The following SLC6A3 variants were observed in gnomAD, a reference collection of about 807,000 sequenced individuals.
SLC6A3 encodes sodium-dependent dopamine transporter.
Under a neutral mutation model 70.4 loss-of-function variants are expected in SLC6A3, and 19 were observed. That is an observed-to-expected ratio of 0.27 (90% CI 0.19 to 0.40). The LOEUF (loss-of-function observed/expected upper bound fraction) is 0.40, where lower values mean the gene tolerates loss of function less well. Ranked by LOEUF, SLC6A3 falls within the 10% of genes least tolerant of loss-of-function variation. The pLI is 1.00. For synonymous variants in SLC6A3, 368 were observed against 356.6 expected, an observed-to-expected ratio of 1.03 and a Z score of -0.36; for missense variants, 613 against 838.5, an observed-to-expected ratio of 0.73 and a Z score of 3.32.
chr5:1,411,124 G>A lies in SLC6A3; in HGVS notation c.1269+119C>T. 1 of 733,060 alleles carries A rather than the reference G, an allele frequency of 1.4e-6. No individual in the cohort carries two copies. Among genetic ancestry groups the A allele is most frequent in the Non-Finnish European group, 2.4e-6 (1 of 411,552 alleles). The allele number at this position is 733,060 out of a possible 1,614,324, so 45.4% of individuals were successfully genotyped here. A position where few individuals can be genotyped will look rare whatever the true frequency, so the allele number is the denominator to read the frequency against. Reference sequence around the variant, plus strand: ...ACGGGGCTCGCCCAAGTCAAGGACAGGAGGTCTGGGGGCCGTACGTGAGCC... The same window carrying A: ...ACGGGGCTCGCCCAAGTCAAGGACAAGAGGTCTGGGGGCCGTACGTGAGCC... On this transcript the variant is annotated intron_variant, in intron 9 of 14. Transcript: ENST00000270349. This position sits in a 1 kb window ranked among gnomAD's most constrained non-coding sequence, Gnocchi z 6.5.
chr5:1,414,221 A>G (rs892138342), intron 8 of SLC6A3, among the ~76,000 whole-genome samples: 13 of 151,866 alleles, frequency 8.6e-5, no homozygotes, highest in African/African-American at 2.7e-4. Context: ...GCAAACATCT[A>G]GAGGGCCCTC....
chr5:1,439,669 C>T (rs1207707258), intron 3 of SLC6A3, among the ~76,000 whole-genome samples: 1 of 152,224 alleles, frequency 6.6e-6, no homozygotes, highest in African/African-American at 2.4e-5. Context: ...GTCTTCTAAA[C>T]ACACAGCTTT....
rs375720650 is a variant in SLC6A3, at chr5:1,414,811, C to G, written c.1036G>C (p.Ala346Pro). The change falls in exon 8 of 15, where the codon GCG becomes CCG. Residue 346 changes from alanine (A) to proline (P), a missense_variant. Transcript: ENST00000270349. ...GAGTTGATGGAGGTGGTGACAATCG[C>G]GTCCCTGTAAGAACAAGACACGCCG... ...NKFTNNCYRD[A>P]IVTTSINSLT... The G allele has an allele frequency of 6.2e-7, 1 of 1,612,870 alleles. No individual in the cohort carries two copies.
chr5:1,444,902 G>T (rs1181485773), intron 1 of SLC6A3, among the ~76,000 whole-genome samples: 2 of 151,974 alleles, frequency 1.3e-5, no homozygotes, highest in South Asian at 4.2e-4. Context: ...CGCAGCCCGC[G>T]CCCGCCACCA....
Position 1,406,254 on chromosome 5 carries a change from C to T in SLC6A3, c.1533G>A (p.Met511Ile). 6.2e-7 allele frequency: 1 copy of T among 1,613,028 alleles called. No homozygotes were observed. Among genetic ancestry groups the T allele is most frequent in the Non-Finnish European group, 8.5e-7 (1 of 1,180,004 alleles). Residue 511 changes from methionine (M) to isoleucine (I), a missense_variant, in exon 12 of 15, where the codon ATG becomes ATA. Around this residue, in one of 4 missense-constraint regions of SLC6A3, gnomAD observed 348 missense variants for 481.2 expected, o/e 0.72. Transcript: ENST00000270349. This position sits in a 1 kb window ranked among gnomAD's most constrained non-coding sequence, Gnocchi z 8.8. ...AGTACAGGCTGGGCCGCTGCCCGGT[C>T]ATCTGCTGGATGTCGTCGCTGAACT... ...VGQFSDDIQQ[M>I]TGQRPSLYWR...
At position 1,413,951 on chromosome 5, in the gene SLC6A3, C is replaced by T. The variant is rs1010055171; in HGVS notation, c.1156+740G>A. 6.6e-6 allele frequency among the ~76,000 whole-genome samples: 1 copy of T among 152,208 alleles called. No homozygotes were observed. The highest frequency in any genetic ancestry group is 2.4e-5 in the African/African-American group (1 of 41,460). On this transcript the variant is annotated intron_variant, in intron 8 of 14. Transcript: ENST00000270349. This position sits in a 1 kb window ranked among gnomAD's most constrained non-coding sequence, Gnocchi z 7.1. ...ACTTCTTGCTGTGGCCAAGGCCTCC[C>T]CCCACCACTCACCTGTGCCTGCCCG...
At chr5:1,420,465 G>T in intron 6 of SLC6A3, 104 bp downstream of exon 6, 2 of 1,364,758 alleles carry the variant, frequency 1.5e-6, no homozygotes, top group Non-Finnish European at 2.1e-6. Flanking sequence ...GAACCCTGGT[G>T]TCTGCAACTC....
Position 1,406,233 on chromosome 5 carries a change from C to G in SLC6A3, c.1554G>C (p.Leu518=). 6.2e-7 allele frequency: 1 copy of G among 1,613,020 alleles called. No individual in the cohort carries two copies. Among genetic ancestry groups the G allele is most frequent in the Non-Finnish European group, 8.5e-7 (1 of 1,179,992 alleles). ...IQQMTGQRPS[L]YWRLCWKLVS... is the part of the protein sequence containing the mutation. ...CCAGCTTCCAGCACAGCCGCCAGTA[C>G]AGGCTGGGCCGCTGCCCGGTCATCT... Residue 518 remains leucine (L), a synonymous_variant, in exon 12 of 15, where the codon CTG becomes CTC. Coordinates refer to ENST00000270349, the MANE Select transcript of SLC6A3 (RefSeq NM_001044.5). This position sits in a 1 kb window ranked among gnomAD's most constrained non-coding sequence, Gnocchi z 8.8.
chr5:1,403,780 G>A (rs1345102484), intron 12 of SLC6A3, among the ~76,000 whole-genome samples: 1 of 152,112 alleles, frequency 6.6e-6, no homozygotes, highest in Non-Finnish European at 1.5e-5. Context: ...CCACCACAAA[G>A]GTAACAGAGG....
Position 1,442,800 on chromosome 5 carries a change from C to A in SLC6A3, c.286+112G>T. 1 of 1,109,518 alleles carries A rather than the reference C, an allele frequency of 9.0e-7. No individual in the cohort carries two copies. The highest frequency in any genetic ancestry group is 1.2e-5 in the South Asian group (1 of 80,040). The allele number at this position is 1,109,518 out of a possible 1,614,324, so 68.7% of individuals were successfully genotyped here. A position where few individuals can be genotyped will look rare whatever the true frequency, so the allele number is the denominator to read the frequency against. On this transcript the variant is annotated intron_variant, in intron 2 of 14. Transcript: ENST00000270349. The surrounding 1 kb of genome is among the most constrained non-coding windows in gnomAD (Gnocchi z 5.0). ...GGCCGTGAGCTCTCACAGGGAGCTC[C>A]GTCTTCACGCATGGGAACAGCTTCA...
At chr5:1,426,692 AC>A (rs1428274488) in intron 4 of SLC6A3, among the ~76,000 whole-genome samples, 1 of 152,264 alleles carries the variant, frequency 6.6e-6, no homozygotes, top group Non-Finnish European at 1.5e-5. Context: ...TAAGGCAGTC[AC>A]AAAAAAATAA....
In SLC6A3 at chr5:1,403,035, T is replaced by C; in HGVS notation, c.1654A>G (p.Ile552Val). 6.2e-7 allele frequency: 1 copy of C among 1,613,960 alleles called. No individual in the cohort carries two copies. The highest frequency in any genetic ancestry group is 1.1e-5 in the South Asian group (1 of 91,088). ...TFRPPHYGAY[I>V]FPDWANALGW... ...AGCGCGTTGGCCCAGTCGGGGAAGATGTAGGCTCCGTAGTGGGGGGGTCTG... is the reference window on the plus strand; with the variant it reads ...AGCGCGTTGGCCCAGTCGGGGAAGACGTAGGCTCCGTAGTGGGGGGGTCTG... Residue 552 changes from isoleucine (I) to valine (V), a missense_variant, in exon 13 of 15, where the codon ATC (isoleucine) becomes GTC (valine). Ile to Val is a conservative substitution (Grantham distance 29). Transcript: ENST00000270349.
intron 10 of SLC6A3, 107 bp downstream of exon 10, chr5:1,409,614 T>C (rs1204977418): frequency 7.4e-6 from 10 of 1,350,482 alleles, no homozygotes; most frequent in African/African-American, 1.4e-5. Flanking sequence ...CGCAGCTCCC[T>C]GGAAGTGCTG....
rs397883245 is a variant in SLC6A3, at chr5:1,421,178, GTT to G, written c.793-477_793-476del. On this transcript the variant is annotated intron_variant, in intron 5 of 14. Coordinates refer to ENST00000270349, the MANE Select transcript of SLC6A3 (RefSeq NM_001044.5). This position sits in a 1 kb window ranked among gnomAD's most constrained non-coding sequence, Gnocchi z 7.2. ...GGTTTTGGCCCATATAACAACCAAA[GTT>G]TTTTTTTTTTTTTTGAGATGGAGTT... is the stretch of plus-strand genomic sequence containing the variant. Among the ~76,000 whole-genome samples the G allele has an allele frequency of 3.0e-4, 42 of 137,954 alleles. No homozygotes were observed. The highest frequency in any genetic ancestry group is 3.7e-4 in the Non-Finnish European group (24 of 64,486). 90.5% of individuals were successfully genotyped at this position (137,954 alleles called of 152,430 possible).
At chr5:1,440,391 A>G (rs2963239) in intron 3 of SLC6A3, among the ~76,000 whole-genome samples, 4,894 of 152,232 alleles carry the variant, frequency 0.032, 261 homozygotes, top group African/African-American at 0.11. Context: ...AGATAGATGA[A>G]TGGATGGATG....
In SLC6A3 at chr5:1,420,572, C is replaced by G. The variant is rs530952208; in HGVS notation, c.924G>C (p.Ala308=). 6.2e-7 allele frequency: 1 copy of G among 1,613,166 alleles called. No homozygotes were observed. Among genetic ancestry groups the G allele is most frequent in the East Asian group, 2.2e-5 (1 of 44,888 alleles). Residue 308 remains alanine (A), a synonymous_variant, in exon 6 of 15, where the codon GCG becomes GCC. Transcript: ENST00000270349. ...GCAGTGAGCAGACTGTACTCACAGA[C>G]GCCTCGCAGAGCCGGTAGAAGTCAA... The part of the protein sequence containing the change: ...LSVDFYRLCE[A]SVWIDAATQV...
rs1296214271 is a variant in SLC6A3, at chr5:1,396,156, G to GGGGCA, written c.1840-1403_1840-1399dup. 1.3e-5 allele frequency among the ~76,000 whole-genome samples: 2 copies of GGGGCA among 152,260 alleles called. No individual in the cohort carries two copies. The highest frequency in any genetic ancestry group is 2.9e-5 in the Non-Finnish European group (2 of 68,044). On this transcript the variant is annotated intron_variant, in intron 14 of 14. Transcript: ENST00000270349. The surrounding 1 kb of genome is among the most constrained non-coding windows in gnomAD (Gnocchi z 7.0). ...AAGAGAATGGCTGGGCTGCAGACCA[G>GGGGCA]GGGCAGGGCAGTGGAATGCGGAGCG... is the stretch of plus-strand genomic sequence containing the variant.
intron 3 of SLC6A3, among the ~76,000 whole-genome samples, chr5:1,433,038 C>T (rs1210976728): frequency 1.3e-5 from 2 of 151,890 alleles, no homozygotes; most frequent in Non-Finnish European, 2.9e-5. Context: ...ACCCAGAGAC[C>T]CCCAGGGACA....
In SLC6A3 at chr5:1,406,789, G is replaced by T. The variant is rs748396712; in HGVS notation, c.1499-501C>A. On this transcript the variant is annotated intron_variant, in intron 11 of 14. Coordinates refer to ENST00000270349, the MANE Select transcript of SLC6A3 (RefSeq NM_001044.5). This position sits in a 1 kb window ranked among gnomAD's most constrained non-coding sequence, Gnocchi z 8.8. ...AAATGAAATTCTGCCCTCATGAAAC[G>T]CCAACTCCTCCCGACCCCCAACCCC... 3.4e-5 allele frequency among the ~76,000 whole-genome samples: 5 copies of T among 149,016 alleles called. No homozygotes were observed. The highest frequency in any genetic ancestry group is 1.2e-4 in the African/African-American group (5 of 41,086).
Sources: allele counts gnomAD v4.1 joint callset (sites outside exome capture counted in the v4.1 genomes callset), GRCh38; gene constraint gnomAD v4.1.1; regional missense constraint gnomAD v4.1.1; non-coding constraint Gnocchi (gnomAD v3.1); transcripts MANE v1.5; gene names NCBI Gene and HGNC (gene_info 2026-07-23, HGNC 2026-07-21).